The following MCF2L variants were observed in gnomAD, a reference collection of about 807,000 sequenced individuals.
The protein encoded by MCF2L is MCF.2 cell line derived transforming sequence like.
MCF2L carries 97 observed loss-of-function variants against 153.4 expected under a neutral mutation model. That is an observed-to-expected ratio of 0.63 (90% CI 0.54 to 0.75). The LOEUF is 0.75. Ranked by LOEUF, MCF2L falls within the 30% of genes least tolerant of loss-of-function variation. The pLI is 0.00. For missense variants in MCF2L, 1,347 were observed against 1,495.2 expected, an observed-to-expected ratio of 0.90 and a Z score of 1.64; for synonymous variants, 659 against 632.2, an observed-to-expected ratio of 1.04 and a Z score of -0.64.
In MCF2L at chr13:113,081,226, G is replaced by T; in HGVS notation, c.1822G>T (p.Glu608Ter). The change falls in exon 16 of 30, where the codon GAG becomes TAG. Residue 608 changes from glutamate to a stop codon, truncating the protein, a stop_gained. Coordinates refer to ENST00000535094, the MANE Select transcript of MCF2L (RefSeq NM_001112732.3). LOFTEE classifies it high-confidence loss of function. Reference sequence around the variant, plus strand: ...ACCTGCCACCAGGCACGTGATGAGCGAGCTCCTGGACACAGAACGGGCCTA... The same window carrying T: ...ACCTGCCACCAGGCACGTGATGAGCTAGCTCCTGGACACAGAACGGGCCTA... ...LAILRRHVMS[E>*]LLDTERAYVE... The T allele has an allele frequency of 6.3e-7, 1 of 1,588,592 alleles. No homozygotes were observed.
At chr13:112,944,394 A>G (rs1257314115) in intron 2 of MCF2L, among the ~76,000 whole-genome samples, 1 of 151,980 alleles carries the variant, frequency 6.6e-6, no homozygotes. Context: ...GGCAGCACAG[A>G]CGTTGTTACT....
rs1445372122 is a variant in MCF2L, at chr13:112,983,569, C to T, written c.79+14111C>T. Among the ~76,000 whole-genome samples, 1 of 152,244 alleles carries T rather than the reference C, an allele frequency of 6.6e-6. No homozygotes were observed. Among genetic ancestry groups the T allele is most frequent in the Non-Finnish European group, 1.5e-5 (1 of 68,046 alleles). On this transcript the variant is annotated intron_variant, in intron 1 of 29. Coordinates refer to ENST00000535094, the MANE Select transcript of MCF2L (RefSeq NM_001112732.3). The surrounding 1 kb of genome is among the most constrained non-coding windows in gnomAD (Gnocchi z 4.0). Reference sequence around the variant, plus strand: ...CCCGTGGTGCTGGGCACGGCAGAGCCGTAGGCGGAGACAGGGAGCCGGGAG... The same window carrying T: ...CCCGTGGTGCTGGGCACGGCAGAGCTGTAGGCGGAGACAGGGAGCCGGGAG...
chr13:113,007,261 G>A (rs1233137178), intron 1 of MCF2L, among the ~76,000 whole-genome samples: 1 of 152,216 alleles, frequency 6.6e-6, no homozygotes, highest in Non-Finnish European at 1.5e-5. Flanking sequence ...CCATTTTACT[G>A]ATGTCAGGAA....
chr13:113,086,192 G>C lies in MCF2L; in HGVS notation c.2316G>C (p.Leu772=), dbSNP rs2034619703. Residue 772 remains leucine (L), a synonymous_variant, in exon 21 of 30, where the codon CTG becomes CTC. Transcript: ENST00000535094. Reference sequence around the variant, plus strand: ...TGCAGGAGGCGCTGAGCTCCATCCTGGGCATCCTGAAGGCCGTGAACGACT... The same window carrying C: ...TGCAGGAGGCGCTGAGCTCCATCCTCGGCATCCTGAAGGCCGTGAACGACT... ...EDLQEALSSI[L]GILKAVNDSM... 6.2e-7 allele frequency: 1 copy of C among 1,611,148 alleles called. No individual in the cohort carries two copies. The highest frequency in any genetic ancestry group is 1.7e-5 in the Admixed American group (1 of 59,764).
intron 2 of MCF2L, among the ~76,000 whole-genome samples, chr13:112,908,150 T>A (rs2081191145): frequency 6.6e-6 from 1 of 152,218 alleles, no homozygotes; most frequent in South Asian, 2.1e-4. Flanking sequence ...ATGGCTGGTA[T>A]CTGCTCGTGT....
intron 1 of MCF2L, among the ~76,000 whole-genome samples, chr13:112,897,211 C>A (rs1338235824): frequency 6.6e-6 from 1 of 152,144 alleles, no homozygotes; most frequent in African/African-American, 2.4e-5. Flanking sequence ...CTCCTGGCGT[C>A]CTAAAGTGAA....
intron 8 of MCF2L, 104 bp downstream of exon 8, chr13:113,066,274 C>G: frequency 7.3e-7 from 1 of 1,366,940 alleles, no homozygotes; most frequent in Non-Finnish European, 9.7e-7. Flanking sequence ...AAATAGCAAG[C>G]AGCGTGGCAG....
chr13:113,032,511 G>T (rs943584384), intron 3 of MCF2L, among the ~76,000 whole-genome samples: 3 of 152,210 alleles, frequency 2.0e-5, no homozygotes, highest in African/African-American at 7.2e-5. Flanking sequence ...TCTGTTCAGC[G>T]GTGTGTCGTG....
At chr13:113,013,124 A>T (rs547734086) in intron 1 of MCF2L, among the ~76,000 whole-genome samples, 27 of 152,280 alleles carry the variant, frequency 1.8e-4, no homozygotes, top group African/African-American at 5.8e-4. Flanking sequence ...TGAACATCCA[A>T]CTGCGCAGTC....
At chr13:112,968,149 G>GT (rs1555355489), upstream of MCF2L, among the ~76,000 whole-genome samples, 10 of 146,116 alleles carry the variant, frequency 6.8e-5, 1 homozygote, top group Non-Finnish European at 1.4e-4. Flanking sequence ...AGGTGGGGGG[G>GT]GGGGTCTTGC....
In MCF2L at chr13:113,064,099, C is replaced by T. The variant is rs547901403; in HGVS notation, c.490-205C>T. ...GGGCCATAACACACACACGCCACCA[C>T]GAGAGGAGGTGTCGGCGGGGCGCTG... On this transcript the variant is annotated intron_variant, in intron 5 of 29. Coordinates refer to ENST00000535094, the MANE Select transcript of MCF2L (RefSeq NM_001112732.3). The surrounding 1 kb of genome is among the most constrained non-coding windows in gnomAD (Gnocchi z 6.0). Among the ~76,000 whole-genome samples the T allele has an allele frequency of 2.0e-5, 3 of 152,302 alleles. No homozygotes were observed. Among genetic ancestry groups the T allele is most frequent in the Non-Finnish European group, 4.4e-5 (3 of 68,026 alleles).
Position 113,012,878 on chromosome 13 carries a change from C to T in MCF2L, c.80-1885C>T, listed in dbSNP as rs1181903034. 2.9e-5 allele frequency among the ~76,000 whole-genome samples: 2 copies of T among 69,744 alleles called. 1 individual carries two copies. The highest frequency in any genetic ancestry group is 1.4e-3 in the East Asian group (2 of 1,454). 45.8% of individuals were successfully genotyped at this position (69,744 alleles called of 152,430 possible). A position where few individuals can be genotyped will look rare whatever the true frequency, so the allele number is the denominator to read the frequency against. ...GGTGTGGACGGTGGACACTGAGATGCGGACGGTGGACAGGCGGTGTGGACG... is the reference window on the plus strand; with the variant it reads ...GGTGTGGACGGTGGACACTGAGATGTGGACGGTGGACAGGCGGTGTGGACG... On this transcript the variant is annotated intron_variant, in intron 1 of 29. Coordinates refer to ENST00000535094, the MANE Select transcript of MCF2L (RefSeq NM_001112732.3).
chr13:113,065,344 G>A, intron 7 of MCF2L: 2 of 505,640 alleles, frequency 4.0e-6, no homozygotes, highest in Non-Finnish European at 7.1e-6. Context: ...CTGGCGTTGG[G>A]TCAACCATTG....
chr13:112,969,431 A>G lies in MCF2L; in HGVS notation c.52A>G (p.Arg18Gly). ...GATGGCCTTGGAAGAAATGGTGCAG[A>G]GATTAAATGCGGTTTCCAAGCACAC... ...EEMALEEMVQ[R>G]LNAVSKHTDE... Residue 18 changes from arginine to glycine, a missense_variant, in exon 1 of 30, where the codon AGA becomes GGA. Physicochemically the swap from Arg to Gly is moderately radical, Grantham distance 125 (BLOSUM62 -2). Coordinates refer to ENST00000535094, the MANE Select transcript of MCF2L (RefSeq NM_001112732.3). This position sits in a 1 kb window ranked among gnomAD's most constrained non-coding sequence, Gnocchi z 4.8. The G allele has an allele frequency of 2.6e-6, 4 of 1,550,436 alleles. No individual in the cohort carries two copies. The highest frequency in any genetic ancestry group is 2.6e-6 in the Non-Finnish European group (3 of 1,146,886).
At chr13:112,987,160 G>A (rs963346581) in intron 1 of MCF2L, among the ~76,000 whole-genome samples, 18 of 152,280 alleles carry the variant, frequency 1.2e-4, no homozygotes, top group Middle Eastern at 3.4e-3. Flanking sequence ...CTGCAGGGCC[G>A]CAGACAGCAC....
chr13:113,047,887 T>C (rs9577438), intron 4 of MCF2L, among the ~76,000 whole-genome samples: 6,716 of 149,610 alleles, frequency 0.045, 252 homozygotes, highest in East Asian at 0.19. Flanking sequence ...CCTCCGCTGA[T>C]GCCTCGCTAC....
chr13:113,091,515 A>G (rs1224117268), intron 26 of MCF2L, among the ~76,000 whole-genome samples: 1 of 152,172 alleles, frequency 6.6e-6, no homozygotes, highest in East Asian at 1.9e-4. Flanking sequence ...CTCACTGCCC[A>G]GTGGCTGCTG....
intron 26 of MCF2L, chr13:113,091,042 G>T: frequency 1.5e-6 from 2 of 1,295,142 alleles, no homozygotes; most frequent in Non-Finnish European, 1.0e-6. Flanking sequence ...GCACGAGCGC[G>T]GGTCAGCCTC....
chr13:113,050,928 GGA>G (rs1299415933), intron 4 of MCF2L, among the ~76,000 whole-genome samples: 16 of 152,194 alleles, frequency 1.1e-4, no homozygotes, highest in Non-Finnish European at 2.1e-4. Flanking sequence ...GGCTGCCGAG[GGA>G]GAGAGGGCCA....
Sources: allele counts gnomAD v4.1 joint callset (sites outside exome capture counted in the v4.1 genomes callset), GRCh38; gene constraint gnomAD v4.1.1; non-coding constraint Gnocchi (gnomAD v3.1); transcripts MANE v1.5; gene names NCBI Gene and HGNC (gene_info 2026-07-23, HGNC 2026-07-21).